The following PHPT1 variants were observed in gnomAD, a reference collection of about 807,000 sequenced individuals.
PHPT1 encodes the protein 14 kDa phosphohistidine phosphatase.
PHPT1 carries 16 observed loss-of-function variants against 15.6 expected under a neutral mutation model. That is an observed-to-expected ratio of 1.03 (90% CI 0.70 to 1.56). The LOEUF (loss-of-function observed/expected upper bound fraction) is 1.56. Among genes scored for constraint, PHPT1 ranks in the 40% most tolerant of loss-of-function variants. The probability of loss-of-function intolerance (pLI) is 0.00; values close to 1 mark genes in which losing one functional copy is unlikely to be tolerated. For synonymous variants in PHPT1, 102 were observed against 68.1 expected, an observed-to-expected ratio of 1.50 and a Z score of -2.45; for missense variants, 228 against 171.0, an observed-to-expected ratio of 1.33 and a Z score of -1.86.
intron 2 of PHPT1, 86 bp from the exon 3 acceptor site, chr9:136,850,669 C>T: frequency 3.4e-6 from 5 of 1,482,518 alleles, no homozygotes; most frequent in Non-Finnish European, 4.7e-6. Context: ...ACACTCGCTT[C>T]TGGTGTGGCT....
At position 136,849,684 on chromosome 9, in the gene PHPT1, G is replaced by A; in HGVS notation, c.160+94G>A. ...AGACGGGGCTGACGAGGCAGGGGCGGGGCTGGCGGGGCGGGGGCGGGGCTG... is the reference window on the plus strand; with the variant it reads ...AGACGGGGCTGACGAGGCAGGGGCGAGGCTGGCGGGGCGGGGGCGGGGCTG... On this transcript the variant is annotated intron_variant, in intron 1 of 2. Coordinates refer to ENST00000247665, the MANE Select transcript of PHPT1 (RefSeq NM_014172.6). 4 of 801,884 alleles carry A rather than the reference G, an allele frequency of 5.0e-6. No individual in the cohort carries two copies. The East Asian group carries it at 1.0e-4, about 20-fold the overall frequency. The allele number at this position is 801,884 out of a possible 1,614,324, so 49.7% of individuals were successfully genotyped here.
chr9:136,850,864 G>A lies in PHPT1; in HGVS notation c.*17G>A, dbSNP rs1278974586. ...GGCTACTGAGCACTCCCAGCCCGGG[G>A]CCTGCTGCCTCCAGCAGCCACTTCA... On this transcript the variant is annotated 3_prime_UTR_variant, in exon 3 of 3. Transcript: ENST00000247665. The A allele has an allele frequency of 6.3e-7, 1 of 1,592,670 alleles. No homozygotes were observed.
rs368087987 is a variant in PHPT1, at chr9:136,849,451, T to A, written c.21T>A (p.Ala7=). 1 of 1,607,174 alleles carries A rather than the reference T, an allele frequency of 6.2e-7. No homozygotes were observed. Among genetic ancestry groups the A allele is most frequent in the Non-Finnish European group, 8.5e-7 (1 of 1,176,848 alleles). Residue 7 remains alanine (A), a synonymous_variant, in exon 1 of 3, where the codon GCT becomes GCA. Coordinates refer to ENST00000247665, the MANE Select transcript of PHPT1 (RefSeq NM_014172.6). MAVADL[A]LIPDVDIDSD... ...GGAACATGGCGGTGGCGGACCTCGC[T>A]CTCATTCCTGATGTGGACATCGACT...
chr9:136,849,693 G>C, intron 1 of PHPT1, 103 bp downstream of exon 1: 1 of 762,328 alleles, frequency 1.3e-6, no homozygotes, highest in Non-Finnish European at 1.9e-6. Context: ...GGGGCTGGCG[G>C]GGCGGGGGCG....
intron 2 of PHPT1, 194 bp downstream of exon 2, chr9:136,850,331 GA>G: frequency 2.3e-6 from 2 of 852,372 alleles, no homozygotes; most frequent in Non-Finnish European, 3.7e-6. Flanking sequence ...CGCCAGACCT[GA>G]GGGGTGGGAC....
At chr9:136,850,498 A>C (rs1425056757) in intron 2 of PHPT1, 1 of 1,611,082 alleles carries the variant, frequency 6.2e-7, no homozygotes, top group African/African-American at 1.3e-5. Flanking sequence ...CACAAAAACC[A>C]CCAGCAGATG....
chr9:136,850,067 A>T lies in PHPT1; in HGVS notation c.215A>T (p.Glu72Val). Residue 72 changes from glutamate (E) to valine (V), a missense_variant, in exon 2 of 3, where the codon GAG becomes GTG. Physicochemically the swap from Glu to Val is moderately radical, Grantham distance 121. Transcript: ENST00000247665. ...ATGCAGAAGCAAGGCTGCGACTGTG[A>T]GTGTCTGGGCGGCGGGCGCATCTCC... ...GDMQKQGCDC[E>V]CLGGGRISHQ... is the part of the protein sequence containing the mutation. The T allele has an allele frequency of 2.5e-6, 4 of 1,613,126 alleles. No homozygotes were observed. The highest frequency in any genetic ancestry group is 3.4e-6 in the Non-Finnish European group (4 of 1,179,826).
chr9:136,850,902 T>C lies in PHPT1; in HGVS notation c.*55T>C, dbSNP rs750001114. The C allele has an allele frequency of 7.7e-7, 1 of 1,302,680 alleles. No homozygotes were observed. Among genetic ancestry groups the C allele is most frequent in the Non-Finnish European group, 1.1e-6 (1 of 897,414 alleles). The allele number at this position is 1,302,680 out of a possible 1,614,324, so 80.7% of individuals were successfully genotyped here. Reference sequence around the variant, plus strand: ...AGCAGCCACTTCAGAGCCCCCGCCTTTGCCTGCACTCCTCTTGCAGGGCTG... The same window carrying C: ...AGCAGCCACTTCAGAGCCCCCGCCTCTGCCTGCACTCCTCTTGCAGGGCTG... On this transcript the variant is annotated 3_prime_UTR_variant, in exon 3 of 3. Transcript: ENST00000247665.
At position 136,849,549 on chromosome 9, in the gene PHPT1, G is replaced by GC; in HGVS notation, c.120dup (p.Lys41GlnfsTer11). 1.2e-6 allele frequency: 2 copies of GC among 1,609,222 alleles called. No homozygotes were observed. Among genetic ancestry groups the GC allele is most frequent in the Non-Finnish European group, 1.7e-6 (2 of 1,178,944 alleles). ...CGCTCCGGGGCTCCGGCTGCAGAGA[G>GC]CAAGGAGATCGTGCGCGGCTACAAG... On this transcript the variant is annotated frameshift_variant, in exon 1 of 3. Coordinates refer to ENST00000247665, the MANE Select transcript of PHPT1 (RefSeq NM_014172.6). LOFTEE classifies it high-confidence loss of function.
chr9:136,850,280 TC>T, intron 2 of PHPT1, 143 bp downstream of exon 2: 1 of 1,078,100 alleles, frequency 9.3e-7, no homozygotes, highest in Non-Finnish European at 1.4e-6. Context: ...GAGCCCTCCC[TC>T]CAGGGCCCAT....
intron 1 of PHPT1, 177 bp downstream of exon 1, chr9:136,849,767 G>A (rs1588386486): frequency 2.6e-6 from 2 of 758,914 alleles, no homozygotes; most frequent in South Asian, 3.8e-5. Flanking sequence ...TTTGACCCAG[G>A]CTGAGGTCCT....
In PHPT1 at chr9:136,850,148, G is replaced by A. The variant is rs1848872700; in HGVS notation, c.285+11G>A. On this transcript the variant is annotated intron_variant, in intron 2 of 2. Coordinates refer to ENST00000247665, the MANE Select transcript of PHPT1 (RefSeq NM_014172.6). ...TACGGCTATTCCATGGTGAGCCGCA[G>A]CCCCGTCCCGCCCTGCCGGAGGCCC... 6.2e-7 allele frequency: 1 copy of A among 1,612,886 alleles called. No homozygotes were observed. The highest frequency in any genetic ancestry group is 1.1e-5 in the South Asian group (1 of 91,088).
At chr9:136,849,651 C>A in intron 1 of PHPT1, 61 bp downstream of exon 1, 2 of 192,492 alleles carry the variant, frequency 1.0e-5, no homozygotes, top group Non-Finnish European at 1.8e-5. Context: ...GCGGGGCTGG[C>A]GGGACGGAGA....
In PHPT1 at chr9:136,849,586, C is replaced by T; in HGVS notation, c.156C>T (p.Tyr52=). Residue 52 remains tyrosine (Y), a synonymous_variant, in exon 1 of 3, where the codon TAC becomes TAT. Coordinates refer to ENST00000247665, the MANE Select transcript of PHPT1 (RefSeq NM_014172.6). The stretch of plus-strand genomic sequence containing the variant: ...TGCGCGGCTACAAGTGGGCTGAGTA[C>T]CATGGTGAGGGCGGGACCTGCGGGC... ...EIVRGYKWAE[Y]HADIYDKVSG... The T allele has an allele frequency of 6.3e-7, 1 of 1,590,702 alleles. No individual in the cohort carries two copies. Among genetic ancestry groups the T allele is most frequent in the African/African-American group, 1.4e-5 (1 of 73,504 alleles).
At position 136,850,649 on chromosome 9, in the gene PHPT1, T is replaced by A. The variant is rs942703912; in HGVS notation, c.286-106T>A. On this transcript the variant is annotated intron_variant, in intron 2 of 2. Coordinates refer to ENST00000247665, the MANE Select transcript of PHPT1 (RefSeq NM_014172.6). ...GTTTGGCATCCCCAGGCACTGCCTA[T>A]CCCTTTCCCACACTCGCTTCTGGTG... is the stretch of plus-strand genomic sequence containing the variant. The A allele has an allele frequency of 3.3e-6, 5 of 1,498,412 alleles. No individual in the cohort carries two copies. In the African/African-American group the frequency reaches 6.9e-5, roughly 21 times the overall value. The allele number at this position is 1,498,412 out of a possible 1,614,324, so 92.8% of individuals were successfully genotyped here.
rs768718402 is a variant in PHPT1 at position 136,850,107 on chromosome 9, CAAG to C, written c.260_262del (p.Lys87del). ...GGCGCATCTCCCACCAGAGTCAGGA[CAAG>C]AAGATTCACGTGTACGGCTATTCCA... On this transcript the variant is annotated inframe_deletion, in exon 2 of 3. Coordinates refer to ENST00000247665, the MANE Select transcript of PHPT1 (RefSeq NM_014172.6). 1.2e-6 allele frequency: 2 copies of C among 1,613,196 alleles called. No individual in the cohort carries two copies. Among genetic ancestry groups the C allele is most frequent in the Non-Finnish European group, 1.7e-6 (2 of 1,179,906 alleles).
In PHPT1 at chr9:136,850,854, C is replaced by T; in HGVS notation, c.*7C>T. 1 of 1,607,918 alleles carries T rather than the reference C, an allele frequency of 6.2e-7. No homozygotes were observed. Among genetic ancestry groups the T allele is most frequent in the Admixed American group, 1.7e-5 (1 of 60,022 alleles). ...GGCTAACGACGGCTACTGAGCACTC[C>T]CAGCCCGGGGCCTGCTGCCTCCAGC... is the stretch of plus-strand genomic sequence containing the variant. On this transcript the variant is annotated 3_prime_UTR_variant, in exon 3 of 3. Transcript: ENST00000247665.
Position 136,850,613 on chromosome 9 carries a change from C to T in PHPT1, c.286-142C>T, listed in dbSNP as rs946299371. On this transcript the variant is annotated intron_variant, in intron 2 of 2. Coordinates refer to ENST00000247665, the MANE Select transcript of PHPT1 (RefSeq NM_014172.6). ...CCCCAGGGGAGCCCCCAAGGGCGGT[C>T]GGGATGGTGGGTTTGGCATCCCCAG... 1.2e-4 allele frequency: 182 copies of T among 1,570,392 alleles called. 1 individual carries two copies. The highest frequency in any genetic ancestry group is 2.5e-4 in the South Asian group (22 of 89,324).
rs752632779 is a variant in PHPT1, at chr9:136,849,457, T to C, written c.27T>C (p.Ile9=). 6.2e-7 allele frequency: 1 copy of C among 1,610,320 alleles called. No individual in the cohort carries two copies. Among genetic ancestry groups the C allele is most frequent in the Admixed American group, 1.7e-5 (1 of 59,772 alleles). Residue 9 remains isoleucine, a synonymous_variant, in exon 1 of 3, where the codon ATT becomes ATC. Coordinates refer to ENST00000247665, the MANE Select transcript of PHPT1 (RefSeq NM_014172.6). MAVADLAL[I]PDVDIDSDGV... ...TGGCGGTGGCGGACCTCGCTCTCAT[T>C]CCTGATGTGGACATCGACTCCGACG...
Sources: gnomAD v4.1 joint callset for allele counts on GRCh38, gnomAD v4.1.1 for gene constraint, MANE v1.5 for transcripts, NCBI Gene and HGNC (gene_info 2026-07-23, HGNC 2026-07-21) for gene names.